Variants in LRMDA observed in about 807,000 individuals in gnomAD.
LRMDA encodes the protein leucine-rich melanocyte differentiation-associated protein.
Under a neutral mutation model 29.8 loss-of-function variants are expected in LRMDA, and 18 were observed. That is an observed-to-expected ratio of 0.60 (90% CI 0.42 to 0.90). LRMDA has a LOEUF of 0.90. Among genes scored for constraint, LRMDA ranks in the 40% least tolerant of loss-of-function variants. The pLI is 0.00. For synonymous variants in LRMDA, 125 were observed against 109.4 expected, an observed-to-expected ratio of 1.14 and a Z score of -0.89; for missense variants, 273 against 273.9, an observed-to-expected ratio of 1.00 and a Z score of 0.02.
chr10:75,519,219 C>G (rs1845328598), intron 2 of LRMDA, among the ~76,000 whole-genome samples: 1 of 152,074 alleles, frequency 6.6e-6, no homozygotes, highest in African/African-American at 2.4e-5. Flanking sequence ...TCTATTAGGT[C>G]CAATTGGTCC....
At chr10:76,303,476 C>G (rs780053610) in intron 5 of LRMDA, among the ~76,000 whole-genome samples, 3 of 152,140 alleles carry the variant, frequency 2.0e-5, no homozygotes, top group Non-Finnish European at 4.4e-5. Context: ...GTCCAGCGCT[C>G]ACTTGCTGGG....
intron 6 of LRMDA, among the ~76,000 whole-genome samples, chr10:76,547,040 G>T (rs1023915578): frequency 1.1e-4 from 17 of 152,168 alleles, no homozygotes; most frequent in African/African-American, 4.1e-4. Context: ...ATGCTAGGTA[G>T]ATTTGTGGGG....
chr10:75,796,437 C>T (rs1006281340), intron 2 of LRMDA, among the ~76,000 whole-genome samples: 1 of 151,926 alleles, frequency 6.6e-6, no homozygotes, highest in Admixed American at 6.6e-5. Context: ...GGGTTTTCTC[C>T]TTTGTTCTGT....
intron 2 of LRMDA, among the ~76,000 whole-genome samples, chr10:75,943,955 A>G (rs1255209132): frequency 1.3e-5 from 2 of 152,196 alleles, no homozygotes; most frequent in Non-Finnish European, 2.9e-5. Flanking sequence ...TCTTTGAAAG[A>G]AATTGAAAGA....
At chr10:75,835,759 G>A (rs1844423469) in intron 2 of LRMDA, among the ~76,000 whole-genome samples, 1 of 152,162 alleles carries the variant, frequency 6.6e-6, no homozygotes. Context: ...GGCCCTTCAG[G>A]ACTCTCTACT....
At chr10:75,609,940 A>G (rs958491168) in intron 2 of LRMDA, among the ~76,000 whole-genome samples, 1 of 151,170 alleles carries the variant, frequency 6.6e-6, no homozygotes, top group African/African-American at 2.4e-5. Flanking sequence ...AGTGTGGCAC[A>G]TCCCAAAGAT....
At chr10:75,467,058 G>C (rs1204793038) in intron 2 of LRMDA, among the ~76,000 whole-genome samples, 2 of 152,112 alleles carry the variant, frequency 1.3e-5, no homozygotes, top group Non-Finnish European at 2.9e-5. Context: ...CCTAATAGAG[G>C]AGACATGAAG....
intron 6 of LRMDA, among the ~76,000 whole-genome samples, chr10:76,489,490 GT>G (rs1842812635): frequency 6.6e-6 from 1 of 151,116 alleles, no homozygotes; most frequent in African/African-American, 2.4e-5. Flanking sequence ...CTTTTGTATT[GT>G]TTTTGCATTT....
At chr10:75,594,711 A>G (rs564515114) in intron 2 of LRMDA, among the ~76,000 whole-genome samples, 2 of 152,308 alleles carry the variant, frequency 1.3e-5, no homozygotes, top group South Asian at 2.1e-4. Flanking sequence ...CATATGCGAG[A>G]CAGCGTTTGT....
chr10:76,013,050 T>C (rs1199502867), intron 2 of LRMDA, among the ~76,000 whole-genome samples: 1 of 152,174 alleles, frequency 6.6e-6, no homozygotes, highest in Non-Finnish European at 1.5e-5. Flanking sequence ...GAGCAAAGAC[T>C]GTTGGAAACC....
chr10:75,449,041 A>G (rs893269723), intron 2 of LRMDA, among the ~76,000 whole-genome samples: 1 of 151,592 alleles, frequency 6.6e-6, no homozygotes, highest in Non-Finnish European at 1.5e-5. Context: ...AATCCAAGCT[A>G]CTCGGGAGGC....
intron 6 of LRMDA, among the ~76,000 whole-genome samples, chr10:76,521,354 T>C (rs1317465947): frequency 6.6e-6 from 1 of 152,164 alleles, no homozygotes; most frequent in Non-Finnish European, 1.5e-5. Flanking sequence ...CAGGATAGTC[T>C]CAATCTCCTG....
chr10:76,160,002 A>G (rs1195941012), intron 5 of LRMDA, among the ~76,000 whole-genome samples: 1 of 152,072 alleles, frequency 6.6e-6, no homozygotes, highest in Non-Finnish European at 1.5e-5. Context: ...ACACCAAGCG[A>G]ACTCTAATGT....
chr10:75,524,070 A>G (rs1479713118), intron 2 of LRMDA, among the ~76,000 whole-genome samples: 1 of 152,188 alleles, frequency 6.6e-6, no homozygotes, highest in Non-Finnish European at 1.5e-5. Context: ...AAGAATTTAC[A>G]TGAAAATGAT....
intron 2 of LRMDA, among the ~76,000 whole-genome samples, chr10:75,446,887 A>G (rs1844402800): frequency 6.6e-6 from 1 of 152,224 alleles, no homozygotes; most frequent in Non-Finnish European, 1.5e-5. Context: ...TTCAAAGGAC[A>G]TGTTCTGTTG....
intron 2 of LRMDA, among the ~76,000 whole-genome samples, chr10:75,928,978 A>T (rs1846164943): frequency 6.6e-6 from 1 of 152,200 alleles, no homozygotes; most frequent in South Asian, 2.1e-4. Flanking sequence ...GATTACACGA[A>T]TAAAACATAG....
At chr10:76,108,465 A>G (rs941041889) in intron 5 of LRMDA, among the ~76,000 whole-genome samples, 2 of 152,216 alleles carry the variant, frequency 1.3e-5, no homozygotes, top group Non-Finnish European at 2.9e-5. Context: ...GCAGATTCAC[A>G]TTCCATTTGG....
chr10:75,581,819 G>A (rs867422327), intron 2 of LRMDA, among the ~76,000 whole-genome samples: 1 of 152,134 alleles, frequency 6.6e-6, no homozygotes, highest in Non-Finnish European at 1.5e-5. Context: ...AGCATTAGGA[G>A]AAATACCTAA....
intron 2 of LRMDA, among the ~76,000 whole-genome samples, chr10:75,626,295 A>G (rs552398188): frequency 6.6e-6 from 1 of 152,274 alleles, no homozygotes; most frequent in African/African-American, 2.4e-5. Context: ...ACAGCCCGAC[A>G]TCATTCCTCT....
Sources: allele counts gnomAD v4.1 joint callset (sites outside exome capture counted in the v4.1 genomes callset), GRCh38; gene constraint gnomAD v4.1.1; transcripts MANE v1.5; gene names NCBI Gene and HGNC (gene_info 2026-07-23, HGNC 2026-07-21).